Variants in NRGN observed in about 807,000 individuals in gnomAD.
The protein encoded by NRGN is calmodulin-binding protein.
For synonymous variants in NRGN, 47 were observed against 52.8 expected, an observed-to-expected ratio of 0.89 and a Z score of 0.47; for missense variants, 82 against 123.0, an observed-to-expected ratio of 0.67 and a Z score of 1.58.
Position 124,745,790 on chromosome 11 carries a change from G to A in NRGN, c.*5+61G>A. On this transcript the variant is annotated intron_variant, in intron 2 of 3. Coordinates refer to ENST00000284292, the MANE Select transcript of NRGN (RefSeq NM_006176.3). The surrounding 1 kb of genome is among the most constrained non-coding windows in gnomAD (Gnocchi z 6.4). ...CCTTCCCCAGCCCTCCCCAGGAGCA[G>A]GGGGAGAATAAGGGCGGGTTGGAGG... The A allele has an allele frequency of 1.0e-6, 1 of 971,622 alleles. No individual in the cohort carries two copies. Among genetic ancestry groups the A allele is most frequent in the Admixed American group, 3.5e-5 (1 of 28,216 alleles). The allele number at this position is 971,622 out of a possible 1,614,324, so 60.2% of individuals were successfully genotyped here.
intron 1 of NRGN, among the ~76,000 whole-genome samples, chr11:124,742,006 G>A (rs1187658174): frequency 6.6e-6 from 1 of 152,158 alleles, no homozygotes; most frequent in Non-Finnish European, 1.5e-5. Context: ...CCAGGGCCTG[G>A]GGCACCTCCT....
Position 124,746,637 on chromosome 11 carries a change from G to C in NRGN, c.*257G>C, listed in dbSNP as rs1207834418. 1 of 152,666 alleles carries C rather than the reference G, an allele frequency of 6.6e-6. No individual in the cohort carries two copies. Among genetic ancestry groups the C allele is most frequent in the Non-Finnish European group, 1.5e-5 (1 of 68,228 alleles). 9.5% of individuals were successfully genotyped at this position (152,666 alleles called of 1,614,324 possible). On this transcript the variant is annotated 3_prime_UTR_variant, in exon 4 of 4. Coordinates refer to ENST00000284292, the MANE Select transcript of NRGN (RefSeq NM_006176.3). ...TCCACTCCACCCCACCCTAAACCATGCGCTCCCAATCTTCCTTCTTTTGCT... is the reference window on the plus strand; with the variant it reads ...TCCACTCCACCCCACCCTAAACCATCCGCTCCCAATCTTCCTTCTTTTGCT...
intron 1 of NRGN, among the ~76,000 whole-genome samples, chr11:124,744,403 T>C: frequency 6.6e-6 from 1 of 152,210 alleles, no homozygotes; most frequent in Middle Eastern, 3.2e-3. Flanking sequence ...AGGAAGGAGC[T>C]GAGATAGGAA....
At chr11:124,743,269 GGTTGGAGGCA>G (rs1387904731) in intron 1 of NRGN, among the ~76,000 whole-genome samples, 4 of 152,198 alleles carry the variant, frequency 2.6e-5, no homozygotes, top group Admixed American at 2.6e-4. Flanking sequence ...GGTCTAGCGT[GGTTGGAGGCA>G]GATATCCCTT....
Position 124,740,140 on chromosome 11 carries a change from CGCT to C in NRGN, c.15+44_15+46del. The C allele has an allele frequency of 7.7e-7, 1 of 1,306,312 alleles. No homozygotes were observed. Among genetic ancestry groups the C allele is most frequent in the Non-Finnish European group, 9.8e-7 (1 of 1,017,082 alleles). The allele number at this position is 1,306,312 out of a possible 1,614,324, so 80.9% of individuals were successfully genotyped here. A position where few individuals can be genotyped will look rare whatever the true frequency, so the allele number is the denominator to read the frequency against. On this transcript the variant is annotated intron_variant, in intron 1 of 3. Coordinates refer to ENST00000284292, the MANE Select transcript of NRGN (RefSeq NM_006176.3). The surrounding 1 kb of genome is among the most constrained non-coding windows in gnomAD (Gnocchi z 7.5). The stretch of plus-strand genomic sequence containing the variant: ...CGGGGGAGGGGCACTTGGCGGGGTC[CGCT>C]GCGAGAGGCGCCTGAGAAAGCCCTG...
At position 124,746,458 on chromosome 11, in the gene NRGN, C is replaced by T. The variant is rs1457022326; in HGVS notation, c.*78C>T. 6.5e-6 allele frequency: 1 copy of T among 152,696 alleles called. No homozygotes were observed. Among genetic ancestry groups the T allele is most frequent in the East Asian group, 1.9e-4 (1 of 5,192 alleles). The allele number at this position is 152,696 out of a possible 1,614,324, so 9.5% of individuals were successfully genotyped here. On this transcript the variant is annotated 3_prime_UTR_variant, in exon 4 of 4. Transcript: ENST00000284292. ...CTTCGCAGCGACGAGACTTCCCTGC[C>T]GTGTTTGTGACCCCCTCCTGCCCAG...
Position 124,740,127 on chromosome 11 carries a change from A to G in NRGN, c.15+28A>G. 1 of 1,321,698 alleles carries G rather than the reference A, an allele frequency of 7.6e-7. No individual in the cohort carries two copies. Among genetic ancestry groups the G allele is most frequent in the Non-Finnish European group, 9.7e-7 (1 of 1,027,308 alleles). The allele number at this position is 1,321,698 out of a possible 1,614,324, so 81.9% of individuals were successfully genotyped here. On this transcript the variant is annotated intron_variant, in intron 1 of 3. Transcript: ENST00000284292. The surrounding 1 kb of genome is among the most constrained non-coding windows in gnomAD (Gnocchi z 7.5). ...AAGTTAGAGGGCCCGGGGGAGGGGC[A>G]CTTGGCGGGGTCCGCTGCGAGAGGC...
chr11:124,745,452 C>G lies in NRGN; in HGVS notation c.16-51C>G, dbSNP rs370749525. The G allele has an allele frequency of 6.5e-5, 91 of 1,401,636 alleles. No individual in the cohort carries two copies. The African/African-American group carries it at 1.2e-3, about 19-fold the overall frequency. 86.8% of individuals were successfully genotyped at this position (1,401,636 alleles called of 1,614,324 possible). A position where few individuals can be genotyped will look rare whatever the true frequency, so the allele number is the denominator to read the frequency against. On this transcript the variant is annotated intron_variant, in intron 1 of 3. Transcript: ENST00000284292. This position sits in a 1 kb window ranked among gnomAD's most constrained non-coding sequence, Gnocchi z 6.4. ...CAGGGCTCTATTCCTACCCCACTCC[C>G]GCGGATCAAGACCCAGTGACCCCAC...
rs1235681089 is a variant in NRGN at position 124,745,516 on chromosome 11, C to G, written c.29C>G (p.Ser10Cys). 1.3e-6 allele frequency: 2 copies of G among 1,595,862 alleles called. No homozygotes were observed. The highest frequency in any genetic ancestry group is 1.7e-6 in the Non-Finnish European group (2 of 1,172,950). Residue 10 changes from serine (S) to cysteine (C), a missense_variant, in exon 2 of 4, where the codon TCC becomes TGC. Ser to Cys is a moderately radical substitution (Grantham distance 112). Transcript: ENST00000284292. The surrounding 1 kb of genome is among the most constrained non-coding windows in gnomAD (Gnocchi z 6.4). MDCCTENAC[S>C]KPDDDILDIP... is the part of the protein sequence containing the mutation. ...CTTCGCCCCCAGGAGAACGCCTGCTCCAAGCCGGACGACGACATTCTAGAC... is the reference window on the plus strand; with the variant it reads ...CTTCGCCCCCAGGAGAACGCCTGCTGCAAGCCGGACGACGACATTCTAGAC...
At chr11:124,742,489 C>T (rs1383057076) in intron 1 of NRGN, among the ~76,000 whole-genome samples, 1 of 152,142 alleles carries the variant, frequency 6.6e-6, no homozygotes, top group Non-Finnish European at 1.5e-5. Context: ...TGCTGATTTA[C>T]ATAGCCATAT....
intron 1 of NRGN, among the ~76,000 whole-genome samples, chr11:124,743,781 G>T (rs1462483236): frequency 6.6e-6 from 1 of 151,894 alleles, no homozygotes; most frequent in African/African-American, 2.4e-5. Context: ...TCTATGAACC[G>T]GATGGATGAT....
chr11:124,741,948 C>G (rs1310438522), intron 1 of NRGN, among the ~76,000 whole-genome samples: 1 of 152,106 alleles, frequency 6.6e-6, no homozygotes, highest in Non-Finnish European at 1.5e-5. Context: ...GGAGAGGCTA[C>G]CCACCCAAAA....
At chr11:124,742,932 AC>A (rs1376090136) in intron 1 of NRGN, among the ~76,000 whole-genome samples, 4 of 151,526 alleles carry the variant, frequency 2.6e-5, no homozygotes, top group Admixed American at 2.0e-4. Context: ...GAAGGCTTGG[AC>A]CCCACTTTGC....
In NRGN at chr11:124,740,778, A is replaced by G. The variant is rs1031684413; in HGVS notation, c.15+679A>G. On this transcript the variant is annotated intron_variant, in intron 1 of 3. Transcript: ENST00000284292. This position sits in a 1 kb window ranked among gnomAD's most constrained non-coding sequence, Gnocchi z 7.5. ...GCCCACGCGGAAACCTGGGTACTGC[A>G]AGTGCCCAGCGCCCGAGGGGTTTGC... Among the ~76,000 whole-genome samples the G allele has an allele frequency of 6.6e-6, 1 of 152,240 alleles. No individual in the cohort carries two copies. The highest frequency in any genetic ancestry group is 2.4e-5 in the African/African-American group (1 of 41,456).
chr11:124,745,983 G>A lies in NRGN; in HGVS notation c.*23+1G>A. ...GAAGAAGAACTGAGCATTTTCAAAG[G>A]TAATGAACACGGCCCCTAGGCGGCG... On this transcript the variant is annotated splice_donor_variant, in intron 3 of 3. Transcript: ENST00000284292. LOFTEE classifies it low-confidence loss of function (3UTR_SPLICE). This position sits in a 1 kb window ranked among gnomAD's most constrained non-coding sequence, Gnocchi z 6.4. The A allele has an allele frequency of 3.1e-6, 1 of 326,304 alleles. No individual in the cohort carries two copies. Among genetic ancestry groups the A allele is most frequent in the Non-Finnish European group, 5.6e-6 (1 of 179,660 alleles). 20.2% of individuals were successfully genotyped at this position (326,304 alleles called of 1,614,324 possible).
At position 124,740,663 on chromosome 11, in the gene NRGN, C is replaced by T. The variant is rs1943959567; in HGVS notation, c.15+564C>T. Among the ~76,000 whole-genome samples, 1 of 152,240 alleles carries T rather than the reference C, an allele frequency of 6.6e-6. No individual in the cohort carries two copies. The highest frequency in any genetic ancestry group is 1.5e-5 in the Non-Finnish European group (1 of 68,042). ...GTTCTGGGGAGGGGTTGTCCCGGCC[C>T]CCAAGGCCTTCTCGCTCGGAAGGGG... is the stretch of plus-strand genomic sequence containing the variant. On this transcript the variant is annotated intron_variant, in intron 1 of 3. Coordinates refer to ENST00000284292, the MANE Select transcript of NRGN (RefSeq NM_006176.3). This position sits in a 1 kb window ranked among gnomAD's most constrained non-coding sequence, Gnocchi z 7.5.
At chr11:124,742,265 G>C (rs1347234718) in intron 1 of NRGN, among the ~76,000 whole-genome samples, 2 of 152,104 alleles carry the variant, frequency 1.3e-5, no homozygotes, top group African/African-American at 2.4e-5. Flanking sequence ...TACCTCTTGG[G>C]GGCTAGAGGC....
chr11:124,742,557 A>G (rs1943975242), intron 1 of NRGN, among the ~76,000 whole-genome samples: 1 of 152,072 alleles, frequency 6.6e-6, no homozygotes, highest in Admixed American at 6.6e-5. Context: ...ATTTTTTTGG[A>G]TCCTCATTTC....
chr11:124,745,398 A>AC lies in NRGN; in HGVS notation c.16-100dup. The stretch of plus-strand genomic sequence containing the variant: ...CTCGACACCCCTCTCTGTACCTCCC[A>AC]CCCCCGCGTCGCCATAGTCCCTGTC... On this transcript the variant is annotated intron_variant, in intron 1 of 3. Transcript: ENST00000284292. The surrounding 1 kb of genome is among the most constrained non-coding windows in gnomAD (Gnocchi z 6.4). 1 of 704,036 alleles carries AC rather than the reference A, an allele frequency of 1.4e-6. No homozygotes were observed. Among genetic ancestry groups the AC allele is most frequent in the Admixed American group, 3.3e-5 (1 of 30,466 alleles). 43.6% of individuals were successfully genotyped at this position (704,036 alleles called of 1,614,324 possible).
Sources: gnomAD v4.1 joint callset for allele counts (sites outside exome capture counted in the v4.1 genomes callset) on GRCh38, gnomAD v4.1.1 for gene constraint, Gnocchi (gnomAD v3.1) non-coding constraint, MANE v1.5 for transcripts, NCBI Gene and HGNC (gene_info 2026-07-23, HGNC 2026-07-21) for gene names.